PTGER3: variants seen among roughly 807,000 people sequenced by gnomAD.
PTGER3 encodes prostaglandin E2 receptor EP3 subtype.
Under a neutral mutation model 34.7 loss-of-function variants are expected in PTGER3, and 22 were observed. The observed-to-expected ratio is 0.63, with a 90% confidence interval of 0.45 to 0.91. The LOEUF is 0.91. Ranked by LOEUF, PTGER3 falls within the 40% of genes least tolerant of loss-of-function variation. The pLI is 0.00. For synonymous variants in PTGER3, 241 were observed against 230.1 expected, an observed-to-expected ratio of 1.05 and a Z score of -0.43; for missense variants, 468 against 519.4, an observed-to-expected ratio of 0.90 and a Z score of 0.96.
intron 2 of PTGER3, among the ~76,000 whole-genome samples, chr1:70,987,549 C>T (rs1333718128): frequency 1.3e-5 from 2 of 152,108 alleles, no homozygotes; most frequent in Admixed American, 6.6e-5. Context: ...TTCTTATTCT[C>T]CAAGTAAGAG....
intron 4 of PTGER3, among the ~76,000 whole-genome samples, chr1:70,915,178 G>A (rs1647147161): frequency 6.6e-6 from 1 of 151,912 alleles, no homozygotes; most frequent in East Asian, 1.9e-4. Flanking sequence ...ATAGATTATT[G>A]CCATTGGTAT....
intron 2 of PTGER3, among the ~76,000 whole-genome samples, chr1:71,005,404 C>T (rs565527581): frequency 1.3e-5 from 2 of 152,272 alleles, no homozygotes; most frequent in African/African-American, 2.4e-5. Flanking sequence ...ACACCTATTC[C>T]TTTCCCCAAA....
At chr1:70,927,697 G>T (rs1404924043) in intron 4 of PTGER3, among the ~76,000 whole-genome samples, 4 of 152,116 alleles carry the variant, frequency 2.6e-5, no homozygotes, top group Non-Finnish European at 5.9e-5. Flanking sequence ...GGAGAAGAGA[G>T]CTATGCTGGA....
chr1:71,038,951 C>T (rs1660053670), intron 1 of PTGER3, among the ~76,000 whole-genome samples: 1 of 152,156 alleles, frequency 6.6e-6, no homozygotes, highest in Admixed American at 6.5e-5. Context: ...CAGTTAGATG[C>T]ACAATTAGTT....
chr1:71,011,608 G>A, intron 2 of PTGER3: 1 of 984,684 alleles, frequency 1.0e-6, no homozygotes, highest in Non-Finnish European at 1.2e-6. Context: ...TTCTTATTCA[G>A]ATAAAGAGTA....
intron 1 of PTGER3, among the ~76,000 whole-genome samples, chr1:71,021,123 T>C (rs1322689097): frequency 6.6e-6 from 1 of 152,166 alleles, no homozygotes; most frequent in Non-Finnish European, 1.5e-5. Flanking sequence ...TCTATATTGC[T>C]TGAATTTCTT....
intron 2 of PTGER3, chr1:71,010,586 A>G (rs1657352001): frequency 1.0e-6 from 1 of 984,316 alleles, no homozygotes; most frequent in Non-Finnish European, 1.2e-6. Context: ...AAGCCTCTTT[A>G]TTATGTGATT....
At chr1:70,903,492 T>C (rs966395585) in intron 4 of PTGER3, among the ~76,000 whole-genome samples, 1 of 152,256 alleles carries the variant, frequency 6.6e-6, no homozygotes, top group African/African-American at 2.4e-5. Flanking sequence ...TATTATGGTT[T>C]CTTTTTCCAT....
In PTGER3 at chr1:71,028,140, C is replaced by T. The variant is rs115487396; in HGVS notation, c.898-15656G>A. On this transcript the variant is annotated intron_variant, in intron 1 of 3. Coordinates refer to ENST00000306666, the MANE Select transcript of PTGER3 (RefSeq NM_198719.2). ...AGTTATTTTCACTGGATCCTATGTGCTTCAGGGCTGACCCCATCCCTAGCT... is the reference window on the plus strand; with the variant it reads ...AGTTATTTTCACTGGATCCTATGTGTTTCAGGGCTGACCCCATCCCTAGCT... 7.8e-3 allele frequency among the ~76,000 whole-genome samples: 1,192 copies of T among 152,262 alleles called. 21 individuals carry two copies. Among genetic ancestry groups the T allele is most frequent in the African/African-American group, 0.028 (1,144 of 41,548 alleles).
chr1:71,042,349 A>G (rs553253294), intron 1 of PTGER3, among the ~76,000 whole-genome samples: 6 of 151,416 alleles, frequency 4.0e-5, no homozygotes, highest in African/African-American at 1.5e-4. Context: ...ATCTTCCTGG[A>G]AATCTCCTCT....
chr1:71,024,691 A>G (rs1658736412), intron 1 of PTGER3, among the ~76,000 whole-genome samples: 1 of 118,202 alleles, frequency 8.5e-6, no homozygotes, highest in Non-Finnish European at 1.6e-5. Flanking sequence ...AGTAGCTGGG[A>G]TTACAGGTGC....
intron 1 of PTGER3, among the ~76,000 whole-genome samples, chr1:71,013,626 C>T (rs999236264): frequency 2.7e-5 from 4 of 150,370 alleles, no homozygotes; most frequent in East Asian, 2.0e-4. Flanking sequence ...CCCTTGAACC[C>T]GGGAGGTGGA....
At chr1:70,927,716 G>T (rs1476807455) in intron 4 of PTGER3, among the ~76,000 whole-genome samples, 1 of 152,112 alleles carries the variant, frequency 6.6e-6, no homozygotes, top group Admixed American at 6.6e-5. Flanking sequence ...GATTCCCAGA[G>T]GTCATTTACC....
downstream of PTGER3, among the ~76,000 whole-genome samples, chr1:70,949,438 C>G (rs1177740223): frequency 1.3e-5 from 2 of 152,034 alleles, no homozygotes; most frequent in African/African-American, 4.8e-5. Context: ...ATATTCCAGA[C>G]AGAAGGAGTA....
chr1:71,047,465 G>C lies in PTGER3; in HGVS notation c.113C>G (p.Thr38Arg). Residue 38 changes from threonine to arginine, a missense_variant, in exon 1 of 4, where the codon ACG (threonine) becomes AGG (arginine). This residue lies in a region of PTGER3 where 151 missense variants were observed against 133.5 expected (regional missense o/e 1.13). Transcript: ENST00000306666. ...ATCCTCGCCAGACCCTGGAGGGCGCGTGAGGTTGCCCCGCGCCTCGGCGGA... is the reference window on the plus strand; with the variant it reads ...ATCCTCGCCAGACCCTGGAGGGCGCCTGAGGTTGCCCCGCGCCTCGGCGGA... ...ERSAEARGNL[T>R]RPPGSGEDCG... The C allele has an allele frequency of 6.2e-7, 1 of 1,609,782 alleles. No individual in the cohort carries two copies. The highest frequency in any genetic ancestry group is 8.5e-7 in the Non-Finnish European group (1 of 1,179,022).
At chr1:70,905,164 G>T (rs1479351671) in intron 4 of PTGER3, among the ~76,000 whole-genome samples, 1 of 152,172 alleles carries the variant, frequency 6.6e-6, no homozygotes, top group East Asian at 1.9e-4. Context: ...TGGGGTTTGT[G>T]AACCTCTGCC....
intron 4 of PTGER3, among the ~76,000 whole-genome samples, chr1:70,876,421 G>C (rs1022745854): frequency 1.3e-5 from 2 of 151,470 alleles, no homozygotes; most frequent in African/African-American, 4.9e-5. Flanking sequence ...TTCTTTTGCT[G>C]TGAGAAACTA....
chr1:71,036,971 T>A (rs907692457), intron 1 of PTGER3, among the ~76,000 whole-genome samples: 2 of 144,352 alleles, frequency 1.4e-5, no homozygotes, highest in Non-Finnish European at 3.0e-5. Context: ...TTTGAGTCCA[T>A]GTACTCACTC....
At chr1:70,856,367 G>A (rs1001340331) in intron 4 of PTGER3, among the ~76,000 whole-genome samples, 8 of 150,456 alleles carry the variant, frequency 5.3e-5, no homozygotes, top group African/African-American at 7.3e-5. Flanking sequence ...TTGAGCCGCT[G>A]AGGTGGAAGT....
Sources: allele counts gnomAD v4.1 joint callset (sites outside exome capture counted in the v4.1 genomes callset), GRCh38; gene constraint gnomAD v4.1.1; regional missense constraint gnomAD v4.1.1; transcripts MANE v1.5; gene names NCBI Gene and HGNC (gene_info 2026-07-23, HGNC 2026-07-21).